The following POLN variants were observed in gnomAD, a reference collection of about 807,000 sequenced individuals.
POLN encodes the protein DNA polymerase N.
Under a neutral mutation model 113.5 loss-of-function variants are expected in POLN, and 108 were observed. That is an observed-to-expected ratio of 0.95 (90% CI 0.81 to 1.12). The LOEUF (loss-of-function observed/expected upper bound fraction) is 1.12, where lower values mean the gene tolerates loss of function less well. POLN is among the 50% of genes most tolerant of loss of function. POLN has a pLI of 0.00. For synonymous variants in POLN, 386 were observed against 391.5 expected, an observed-to-expected ratio of 0.99 and a Z score of 0.17; for missense variants, 1,097 against 1,077.1, an observed-to-expected ratio of 1.02 and a Z score of -0.26.
At chr4:2,135,839 T>C (rs1345544364) in intron 16 of POLN, among the ~76,000 whole-genome samples, 2 of 152,148 alleles carry the variant, frequency 1.3e-5, no homozygotes, top group Non-Finnish European at 2.9e-5. Flanking sequence ...CAACACCACG[T>C]GCTAGCACGC....
chr4:2,170,801 G>A (rs1463586722), intron 12 of POLN, 27 bp from the exon 13 acceptor site: 3 of 1,584,356 alleles, frequency 1.9e-6, no homozygotes, highest in South Asian at 2.2e-5. Context: ...TAAACATGGT[G>A]AGGGAATCTC....
At chr4:2,108,272 G>A (rs574637083) in intron 19 of POLN, among the ~76,000 whole-genome samples, 4 of 152,242 alleles carry the variant, frequency 2.6e-5, no homozygotes, top group South Asian at 2.1e-4. Flanking sequence ...GAAGGCAGCC[G>A]CTTGCTCTTG....
chr4:2,224,978 G>C (rs1734347407), intron 3 of POLN, among the ~76,000 whole-genome samples: 1 of 151,936 alleles, frequency 6.6e-6, no homozygotes. Flanking sequence ...AATGCATTGT[G>C]CTATGATAAC....
intron 3 of POLN, among the ~76,000 whole-genome samples, chr4:2,222,470 G>A (rs1215753300): frequency 6.6e-6 from 1 of 152,050 alleles, no homozygotes; most frequent in Non-Finnish European, 1.5e-5. Flanking sequence ...TCCGGAGGCG[G>A]AGGTTAAAGT....
chr4:2,174,164 G>A, intron 10 of POLN, 145 bp from the exon 11 acceptor site: 1 of 752,136 alleles, frequency 1.3e-6, no homozygotes, highest in Non-Finnish European at 2.3e-6. Context: ...CTCTGCACAG[G>A]ATCTGTCAGG....
chr4:2,195,485 CTTTT>C (rs59469569), intron 6 of POLN, among the ~76,000 whole-genome samples: 1 of 125,912 alleles, frequency 7.9e-6, no homozygotes, highest in African/African-American at 2.9e-5. Context: ...CTTGGTAATT[CTTTT>C]TTTTTTTTTT....
intron 13 of POLN, among the ~76,000 whole-genome samples, chr4:2,161,263 T>A (rs1466694535): frequency 6.6e-6 from 1 of 151,900 alleles, no homozygotes; most frequent in African/African-American, 2.4e-5. Flanking sequence ...TGCAGGGAGG[T>A]GTGGCGGGAG....
chr4:2,160,814 A>AT (rs1732562193), intron 13 of POLN, among the ~76,000 whole-genome samples: 1 of 152,176 alleles, frequency 6.6e-6, no homozygotes, highest in African/African-American at 2.4e-5. Context: ...GCTGTCCTAC[A>AT]TATGAATGTT....
In POLN at chr4:2,193,147, T is replaced by C. The variant is rs750009837; in HGVS notation, c.1021+57A>G. On this transcript the variant is annotated intron_variant, in intron 7 of 25. Coordinates refer to ENST00000511885, the MANE Select transcript of POLN (RefSeq NM_181808.4). ...GCTGCCCTCACCATTCTCCCATTCA[T>C]AGGAGGAGTCACAGTTGAAGAGTTA... 15 of 1,314,416 alleles carry C rather than the reference T, an allele frequency of 1.1e-5. No individual in the cohort carries two copies. The South Asian group carries it at 1.3e-4, about 11-fold the overall frequency. 81.4% of individuals were successfully genotyped at this position (1,314,416 alleles called of 1,614,324 possible).
intron 23 of POLN, among the ~76,000 whole-genome samples, chr4:2,076,178 AG>A (rs1730269704): frequency 6.6e-6 from 1 of 152,194 alleles, no homozygotes; most frequent in African/African-American, 2.4e-5. Flanking sequence ...ATGCACTGCC[AG>A]GGGCAGGTCC....
intron 20 of POLN, among the ~76,000 whole-genome samples, chr4:2,094,711 C>A (rs1300318869): frequency 6.6e-6 from 1 of 152,128 alleles, no homozygotes; most frequent in African/African-American, 2.4e-5. Context: ...GAGGTTGGAG[C>A]TGGCCTGGCT....
chr4:2,179,212 G>A, intron 8 of POLN, 96 bp downstream of exon 8: 1 of 1,194,362 alleles, frequency 8.4e-7, no homozygotes, highest in Non-Finnish European at 1.2e-6. Flanking sequence ...TGTTGACAAT[G>A]TTCTTTTTAC....
At chr4:2,155,729 T>C (rs1430035830) in intron 16 of POLN, among the ~76,000 whole-genome samples, 1 of 152,216 alleles carries the variant, frequency 6.6e-6, no homozygotes, top group African/African-American at 2.4e-5. Context: ...AATTCATATA[T>C]TTAAATTTAA....
chr4:2,128,335 C>T lies in POLN; in HGVS notation c.1868-108G>A, dbSNP rs371975967. ...TCTCCTGACTCTGTAGCCTCAAGGT[C>T]CATGTCCCTGCCTCCCATCTCCCAG... On this transcript the variant is annotated intron_variant, in intron 18 of 25. Transcript: ENST00000511885. The T allele has an allele frequency of 1.3e-4, 84 of 651,144 alleles. 1 individual carries two copies. In the East Asian group the frequency reaches 1.8e-3, roughly 14 times the overall value. The allele number at this position is 651,144 out of a possible 1,614,324, so 40.3% of individuals were successfully genotyped here.
At position 2,241,567 on chromosome 4, in the gene POLN, G is replaced by A. The variant is rs191599324; in HGVS notation, c.-60C>T. The A allele has an allele frequency of 3.0e-6, 3 of 985,768 alleles. No homozygotes were observed. In the African/African-American group the frequency reaches 5.2e-5, roughly 17 times the overall value. 61.1% of individuals were successfully genotyped at this position (985,768 alleles called of 1,614,324 possible). ...CTCCACCTCCAGAGTCCACCACCGC[G>A]ACGCGGAGAACAGCAGGAGCAGCAG... is the stretch of plus-strand genomic sequence containing the variant. On this transcript the variant is annotated 5_prime_UTR_variant, in exon 2 of 26. Transcript: ENST00000511885.
At chr4:2,120,026 C>T (rs2108717946) in intron 19 of POLN, among the ~76,000 whole-genome samples, 1 of 152,228 alleles carries the variant, frequency 6.6e-6, no homozygotes, top group Non-Finnish European at 1.5e-5. Flanking sequence ...GAATTATTTC[C>T]TAATACATTA....
Position 2,127,847 on chromosome 4 carries a change from G to A in POLN, c.1982+266C>T, listed in dbSNP as rs749014671. On this transcript the variant is annotated intron_variant, in intron 19 of 25. Coordinates refer to ENST00000511885, the MANE Select transcript of POLN (RefSeq NM_181808.4). The surrounding 1 kb of genome is among the most constrained non-coding windows in gnomAD (Gnocchi z 4.7). ...TTTCCGTGGTGCTCGCCTGCAGGGC[G>A]CGGGACTCGCTGGTTATTTTATCAT... 4.6e-5 allele frequency among the ~76,000 whole-genome samples: 7 copies of A among 152,256 alleles called. No homozygotes were observed. Among genetic ancestry groups the A allele is most frequent in the African/African-American group, 9.6e-5 (4 of 41,480 alleles).
intron 6 of POLN, 35 bp downstream of exon 6, chr4:2,198,489 A>G: frequency 3.2e-6 from 5 of 1,547,666 alleles, no homozygotes; most frequent in Non-Finnish European, 3.5e-6. Context: ...CAGGCATGTA[A>G]GTAGGGTGTG....
Position 2,198,636 on chromosome 4 carries a change from C to T in POLN, c.796G>A (p.Ala266Thr). 1.2e-6 allele frequency: 2 copies of T among 1,613,908 alleles called. No homozygotes were observed. The highest frequency in any genetic ancestry group is 1.1e-5 in the South Asian group (1 of 91,056). ...EGGHGCPDAP[A>T]CGPVLEGFVS... ...AAGCCCTCCAGAACAGGACCACAGG[C>T]CGGGGCATCTGGACAGCCATGGCCA... The change falls in exon 6 of 26, where the codon GCC becomes ACC. Residue 266 changes from alanine (A) to threonine (T), a missense_variant. Ala to Thr is a moderately conservative substitution (Grantham distance 58). Coordinates refer to ENST00000511885, the MANE Select transcript of POLN (RefSeq NM_181808.4).
Sources: allele counts gnomAD v4.1 joint callset (sites outside exome capture counted in the v4.1 genomes callset), GRCh38; gene constraint gnomAD v4.1.1; non-coding constraint Gnocchi (gnomAD v3.1); transcripts MANE v1.5; gene names NCBI Gene and HGNC (gene_info 2026-07-23, HGNC 2026-07-21).